The following CA10 variants were observed in gnomAD, a reference collection of about 807,000 sequenced individuals.
CA10 encodes carbonic anhydrase 10 (inactive).
CA10 carries 14 observed loss-of-function variants against 44.2 expected under a neutral mutation model. The observed-to-expected ratio is 0.32, with a 90% confidence interval of 0.21 to 0.50. The LOEUF is 0.50. Ranked by LOEUF, CA10 falls within the 20% of genes least tolerant of loss-of-function variation. The probability of loss-of-function intolerance (pLI) is 0.99; values close to 1 mark genes in which losing one functional copy is unlikely to be tolerated. For synonymous variants in CA10, 159 were observed against 141.6 expected (o/e 1.12, Z -0.87); for missense variants, 350 against 409.7 (o/e 0.85, Z 1.26).
intron 3 of CA10, among the ~76,000 whole-genome samples, chr17:51,882,804 C>CT (rs1165766917): frequency 3.9e-5 from 6 of 152,168 alleles, no homozygotes; most frequent in Non-Finnish European, 7.4e-5. Context: ...CTCCTTCCCT[C>CT]TCTAGGGAGC....
intron 3 of CA10, among the ~76,000 whole-genome samples, chr17:51,815,801 G>A (rs1025745796): frequency 3.3e-5 from 5 of 151,946 alleles, no homozygotes; most frequent in Non-Finnish European, 5.9e-5. Flanking sequence ...GTGTGTGTGT[G>A]TATAAAAATA....
At chr17:52,009,610 G>C (rs1285620907) in intron 2 of CA10, among the ~76,000 whole-genome samples, 1 of 151,850 alleles carries the variant, frequency 6.6e-6, no homozygotes. Flanking sequence ...CTAAAGCAAA[G>C]GTCAATTATA....
At chr17:51,816,223 C>T (rs1907560440) in intron 3 of CA10, among the ~76,000 whole-genome samples, 1 of 152,160 alleles carries the variant, frequency 6.6e-6, no homozygotes, top group Non-Finnish European at 1.5e-5. Flanking sequence ...CCATTCCATC[C>T]ATGTTGGTGC....
chr17:51,761,320 A>G (rs1217153891), intron 3 of CA10: 1 of 152,200 alleles, frequency 6.6e-6, no homozygotes, highest in Admixed American at 6.5e-5. Context: ...GCCAAGTGAC[A>G]GTTGCCTGGG....
At chr17:52,096,206 T>C (rs1273689573) in intron 1 of CA10, among the ~76,000 whole-genome samples, 1 of 152,190 alleles carries the variant, frequency 6.6e-6, no homozygotes, top group Admixed American at 6.5e-5. Flanking sequence ...GAGTGTCCAC[T>C]ACAGCTTGAT....
At chr17:51,919,413 G>C (rs1056146273) in intron 3 of CA10, among the ~76,000 whole-genome samples, 1 of 152,024 alleles carries the variant, frequency 6.6e-6, no homozygotes, top group African/African-American at 2.4e-5. Context: ...TTCTGCCGCT[G>C]TCCAGGAGAT....
At chr17:52,155,805 A>AT in intron 1 of CA10, among the ~76,000 whole-genome samples, 1 of 152,318 alleles carries the variant, frequency 6.6e-6, no homozygotes, top group Admixed American at 6.5e-5. Context: ...AATAATGATT[A>AT]TTTAGTAAAT....
chr17:51,664,661 GATC>G (rs1429037523), intron 4 of CA10, among the ~76,000 whole-genome samples: 1 of 151,866 alleles, frequency 6.6e-6, no homozygotes, highest in East Asian at 1.9e-4. Flanking sequence ...GCTTCTAGAT[GATC>G]ATGAGACAAT....
chr17:51,643,321 C>G (rs985754616), intron 6 of CA10, among the ~76,000 whole-genome samples: 4 of 152,114 alleles, frequency 2.6e-5, no homozygotes, highest in Non-Finnish European at 5.9e-5. Context: ...TTCCAATACA[C>G]TACGTTAAAA....
At chr17:51,929,631 A>C (rs1401728524) in intron 3 of CA10, among the ~76,000 whole-genome samples, 1 of 152,166 alleles carries the variant, frequency 6.6e-6, no homozygotes, top group African/African-American at 2.4e-5. Flanking sequence ...CTGAATATTT[A>C]ATCATAACTA....
chr17:51,965,119 C>T (rs1984032955), intron 2 of CA10, among the ~76,000 whole-genome samples: 1 of 151,874 alleles, frequency 6.6e-6, no homozygotes, highest in Non-Finnish European at 1.5e-5. Context: ...TAATGAACAC[C>T]TCTTTGCCTG....
At chr17:52,047,252 T>C (rs1986937876) in intron 2 of CA10, among the ~76,000 whole-genome samples, 1 of 151,988 alleles carries the variant, frequency 6.6e-6, no homozygotes, top group African/African-American at 2.4e-5. Context: ...AATATGAACC[T>C]CTGGGAAATG....
chr17:51,857,549 T>C (rs963138868), intron 3 of CA10, among the ~76,000 whole-genome samples: 7 of 152,198 alleles, frequency 4.6e-5, no homozygotes, highest in Non-Finnish European at 1.0e-4. Context: ...GTTCAGATAA[T>C]GATGCTGGCC....
chr17:51,733,743 A>G (rs1048356454), intron 4 of CA10, among the ~76,000 whole-genome samples: 2 of 152,172 alleles, frequency 1.3e-5, no homozygotes, highest in Non-Finnish European at 2.9e-5. Flanking sequence ...GTTGGAGGTG[A>G]CAGAATCTTC....
chr17:51,674,014 C>T (rs941004404), intron 4 of CA10, among the ~76,000 whole-genome samples: 1 of 152,226 alleles, frequency 6.6e-6, no homozygotes. Context: ...CCTTCAAAAC[C>T]CTGCTCAGGC....
intron 2 of CA10, among the ~76,000 whole-genome samples, chr17:52,039,401 G>A (rs892216796): frequency 4.6e-5 from 7 of 151,994 alleles, no homozygotes; most frequent in African/African-American, 1.7e-4. Context: ...GCAGGCCCTG[G>A]CTTTAATTCA....
At chr17:51,668,938 C>T (rs1914308734) in intron 4 of CA10, among the ~76,000 whole-genome samples, 1 of 152,228 alleles carries the variant, frequency 6.6e-6, no homozygotes. Flanking sequence ...GAGGGGGCGC[C>T]AGGTCCCCCA....
In CA10 at chr17:51,790,779, A is replaced by G. The variant is rs557485138; in HGVS notation, c.280-42961T>C. ...AAAGGTTCTACCATCTGTGCATCTC[A>G]TTCATATTAACATTTGTTAACAATG... On this transcript the variant is annotated intron_variant, in intron 3 of 8. Transcript: ENST00000451037. Among the ~76,000 whole-genome samples the G allele has an allele frequency of 1.8e-4, 27 of 152,358 alleles. No homozygotes were observed. The South Asian group carries it at 2.5e-3, about 14-fold the overall frequency.
At chr17:51,886,753 C>A (rs1598100500) in intron 3 of CA10, among the ~76,000 whole-genome samples, 1 of 152,292 alleles carries the variant, frequency 6.6e-6, no homozygotes, top group South Asian at 2.1e-4. Flanking sequence ...CCAGAATTAT[C>A]CAATCTGTTG....
Sources: allele counts gnomAD v4.1 joint callset (sites outside exome capture counted in the v4.1 genomes callset), GRCh38; gene constraint gnomAD v4.1.1; transcripts MANE v1.5; gene names NCBI Gene and HGNC (gene_info 2026-07-23, HGNC 2026-07-21).